The following EFCAB5 variants were observed in gnomAD, a reference collection of about 807,000 sequenced individuals.
The protein encoded by EFCAB5 is EF-hand calcium-binding domain-containing protein 5.
In EFCAB5, 131 loss-of-function variants were observed where a neutral mutation model predicts 167.9. The observed-to-expected ratio is 0.78, with a 90% confidence interval of 0.68 to 0.90. The LOEUF (loss-of-function observed/expected upper bound fraction) is 0.90. EFCAB5 is among the 40% of genes least tolerant of loss of function. The pLI, the probability that EFCAB5 is intolerant of heterozygous loss-of-function variation, is 0.00. For synonymous variants in EFCAB5, 574 were observed against 602.8 expected, an observed-to-expected ratio of 0.95 and a Z score of 0.70; for missense variants, 1,663 against 1,745.2, an observed-to-expected ratio of 0.95 and a Z score of 0.84.
intron 7 of EFCAB5, among the ~76,000 whole-genome samples, chr17:30,017,742 T>A (rs535145738): frequency 3.3e-5 from 5 of 152,196 alleles, no homozygotes; most frequent in Non-Finnish European, 5.9e-5. Context: ...CCATAAAAGA[T>A]GAGAGTATTT....
intron 4 of EFCAB5, among the ~76,000 whole-genome samples, chr17:29,985,748 G>T (rs927247842): frequency 6.6e-6 from 1 of 152,220 alleles, no homozygotes; most frequent in Non-Finnish European, 1.5e-5. Context: ...TGAGCCAGGT[G>T]TTCCTTGCCC....
chr17:29,952,982 C>A (rs2067542487), intron 3 of EFCAB5, among the ~76,000 whole-genome samples: 1 of 152,014 alleles, frequency 6.6e-6, no homozygotes, highest in African/African-American at 2.4e-5. Context: ...ATGATTGAAG[C>A]ACATCTTAAT....
At chr17:30,049,856 A>C (rs1389491580) in intron 8 of EFCAB5, among the ~76,000 whole-genome samples, 1 of 152,212 alleles carries the variant, frequency 6.6e-6, no homozygotes, top group East Asian at 1.9e-4. Flanking sequence ...CAGTAATTCC[A>C]CTTCTAGTTA....
intron 17 of EFCAB5, among the ~76,000 whole-genome samples, chr17:30,082,265 A>T (rs1046790972): frequency 6.6e-6 from 1 of 151,410 alleles, no homozygotes; most frequent in African/African-American, 2.4e-5. Flanking sequence ...GCTTTTTAAC[A>T]TTTTTTTCTC....
chr17:29,941,361 A>G (rs546185738), upstream of EFCAB5, among the ~76,000 whole-genome samples: 78 of 152,264 alleles, frequency 5.1e-4, no homozygotes, highest in Middle Eastern at 3.4e-3. Flanking sequence ...GCCTTTTGAG[A>G]TATTATTATT....
intron 14 of EFCAB5, among the ~76,000 whole-genome samples, chr17:30,067,698 A>G (rs537466039): frequency 3.9e-5 from 6 of 152,330 alleles, no homozygotes; most frequent in Non-Finnish European, 8.8e-5. Context: ...AACACAAGAA[A>G]GGCCATACAT....
At chr17:30,092,709 C>T in intron 21 of EFCAB5, 131 bp from the exon 22 acceptor site, 1 of 598,384 alleles carries the variant, frequency 1.7e-6, no homozygotes, top group Non-Finnish European at 2.8e-6. Flanking sequence ...ATCATCTTCA[C>T]TTCTAACACC....
chr17:29,986,780 T>C (rs2068294455), intron 4 of EFCAB5, among the ~76,000 whole-genome samples: 1 of 150,658 alleles, frequency 6.6e-6, no homozygotes, highest in African/African-American at 2.4e-5. Flanking sequence ...CCCGAGCAGC[T>C]GGGACTATAG....
rs190341110 is a variant in EFCAB5, at chr17:30,066,906, C to T, written c.2737+7205C>T. On this transcript the variant is annotated intron_variant, in intron 14 of 22. Coordinates refer to ENST00000394835, the MANE Select transcript of EFCAB5 (RefSeq NM_198529.4). ...ACTATATGCCAACATAATAGAAAACCTAGCAGAAATGGATAAATTCCTGGA... is the reference window on the plus strand; with the variant it reads ...ACTATATGCCAACATAATAGAAAACTTAGCAGAAATGGATAAATTCCTGGA... Among the ~76,000 whole-genome samples, 146 of 152,182 alleles carry T rather than the reference C, an allele frequency of 9.6e-4. 2 individuals are homozygous for T. In the Middle Eastern group the frequency reaches 0.01, roughly 11 times the overall value.
At chr17:29,983,785 T>G (rs974867407) in intron 4 of EFCAB5, among the ~76,000 whole-genome samples, 13 of 152,172 alleles carry the variant, frequency 8.5e-5, no homozygotes, top group African/African-American at 3.1e-4. Context: ...GGATTATATT[T>G]TGAGTCTCAT....
intron 22 of EFCAB5, among the ~76,000 whole-genome samples, chr17:30,100,302 T>C (rs1237124508): frequency 1.3e-5 from 2 of 152,134 alleles, no homozygotes; most frequent in African/African-American, 4.8e-5. Flanking sequence ...AAGCCTACAT[T>C]CTAAAGGGGA....
chr17:29,939,446 T>C (rs2067271364), upstream of EFCAB5, among the ~76,000 whole-genome samples: 1 of 152,244 alleles, frequency 6.6e-6, no homozygotes, highest in Non-Finnish European at 1.5e-5. Context: ...GCCTATCCTT[T>C]GAAGCTTTGA....
At chr17:30,087,205 A>T (rs772113621) in intron 19 of EFCAB5, 39 bp downstream of exon 19, 1 of 1,551,764 alleles carries the variant, frequency 6.4e-7, no homozygotes, top group South Asian at 1.1e-5. Flanking sequence ...GCTAGAACAC[A>T]TCCTTCTGGT....
intron 10 of EFCAB5, 71 bp downstream of exon 10, chr17:30,054,219 A>C: frequency 6.9e-7 from 1 of 1,453,944 alleles, no homozygotes; most frequent in East Asian, 2.5e-5. Context: ...TTTTCAGAAA[A>C]CACTCATTTA....
At chr17:30,034,461 G>A in intron 8 of EFCAB5, 76 bp downstream of exon 8, 1 of 1,502,506 alleles carries the variant, frequency 6.7e-7, no homozygotes, top group South Asian at 1.3e-5. Context: ...CACTTTAGGA[G>A]GCTGAGGCTG....
intron 7 of EFCAB5, among the ~76,000 whole-genome samples, chr17:30,011,718 G>C (rs938467408): frequency 6.6e-6 from 1 of 152,040 alleles, no homozygotes; most frequent in Admixed American, 6.6e-5. Context: ...TGAGACGATG[G>C]GGTTTTCTAA....
intron 3 of EFCAB5, among the ~76,000 whole-genome samples, chr17:29,964,104 T>C (rs1016202977): frequency 2.6e-5 from 4 of 151,870 alleles, no homozygotes; most frequent in African/African-American, 9.7e-5. Context: ...TCTTTGTAAA[T>C]TACTCAGTCT....
intron 14 of EFCAB5, 72 bp from the exon 15 acceptor site, chr17:30,078,140 AGAG>A: frequency 2.7e-6 from 4 of 1,470,638 alleles, no homozygotes; most frequent in Non-Finnish European, 3.6e-6. Context: ...GTTCATCGTA[AGAG>A]GAGAATGAAA....
Position 30,107,923 on chromosome 17 carries a change from A to G in EFCAB5, c.4411A>G (p.Ile1471Val). Residue 1471 changes from isoleucine to valine, a missense_variant, in exon 23 of 23, where the codon ATA becomes GTA. Coordinates refer to ENST00000394835, the MANE Select transcript of EFCAB5 (RefSeq NM_198529.4). ...ACACATCTGTTCAGCTCTCATGAAG[A>G]TAACCAAACAACTAAATAGTGGTAT... ...WIHICSALMKITKQLNSGITP... is the reference protein window; with the variant it reads ...WIHICSALMKVTKQLNSGITP... 6.2e-7 allele frequency: 1 copy of G among 1,612,106 alleles called. No homozygotes were observed. The highest frequency in any genetic ancestry group is 1.7e-4 in the Middle Eastern group (1 of 6,056).
Sources: allele counts gnomAD v4.1 joint callset (sites outside exome capture counted in the v4.1 genomes callset), GRCh38; gene constraint gnomAD v4.1.1; transcripts MANE v1.5; gene names NCBI Gene and HGNC (gene_info 2026-07-23, HGNC 2026-07-21).